Variants in COA5 observed in about 807,000 individuals in gnomAD.
COA5 encodes the protein protein C2orf64.
Under a neutral mutation model 11.8 loss-of-function variants are expected in COA5, and 11 were observed. The ratio of observed to expected loss-of-function variants is 0.93; its 90% confidence interval spans 0.59 to 1.54. COA5 has a LOEUF of 1.54. Ranked by LOEUF, COA5 falls within the 40% of genes most tolerant of loss-of-function variation. COA5 has a pLI of 0.00. For synonymous variants in COA5, 38 were observed against 37.5 expected, an observed-to-expected ratio of 1.01 and a Z score of -0.05; for missense variants, 87 against 89.2, an observed-to-expected ratio of 0.97 and a Z score of 0.10.
rs1419402138 is a variant in COA5, at chr2:98,608,338, G to T, written c.68C>A (p.Ala23Glu). The T allele has an allele frequency of 6.2e-7, 1 of 1,608,912 alleles. No individual in the cohort carries two copies. The highest frequency in any genetic ancestry group is 8.5e-7 in the Non-Finnish European group (1 of 1,178,498). The change falls in exon 1 of 3, where the codon GCG (alanine) becomes GAG (glutamate). Residue 23 changes from alanine (A) to glutamate (E), a missense_variant. Transcript: ENST00000328709. ...ACAGLKEDLG[A>E]CLLQSDCVVQ... ...CACACAGTCCGACTGCAGCAGACAC[G>T]CGCCCAGGTCCTCCTTCAGGCCCGC...
intron 1 of COA5, among the ~76,000 whole-genome samples, chr2:98,607,762 A>C (rs1316491411): frequency 6.6e-6 from 1 of 152,200 alleles, no homozygotes; most frequent in African/African-American, 2.4e-5. Flanking sequence ...GTGTAGGGGA[A>C]GCAAGATACG....
At chr2:98,607,879 C>A (rs1051311266) in intron 1 of COA5, among the ~76,000 whole-genome samples, 1 of 152,236 alleles carries the variant, frequency 6.6e-6, no homozygotes. Context: ...AAACTGAGCA[C>A]ACATTGTCAC....
At chr2:98,607,973 T>C (rs1023517097) in intron 1 of COA5, among the ~76,000 whole-genome samples, 2 of 152,228 alleles carry the variant, frequency 1.3e-5, no homozygotes, top group Admixed American at 6.5e-5. Context: ...CTACAGATTA[T>C]CATTTCTAGG....
At chr2:98,603,007 A>G (rs1700662795) in intron 2 of COA5, among the ~76,000 whole-genome samples, 1 of 152,230 alleles carries the variant, frequency 6.6e-6, no homozygotes, top group South Asian at 2.1e-4. Context: ...CACTTAAGAA[A>G]GTAAACAGAG....
intron 2 of COA5, among the ~76,000 whole-genome samples, chr2:98,601,006 G>A (rs1364245737): frequency 2.6e-5 from 4 of 152,142 alleles, no homozygotes; most frequent in Non-Finnish European, 4.4e-5. Context: ...AGCACTTTGG[G>A]ATGATGAGGT....
intron 1 of COA5, chr2:98,604,442 C>T (rs1575225000): frequency 2.2e-6 from 1 of 453,372 alleles, no homozygotes; most frequent in East Asian, 4.2e-5. Flanking sequence ...GATACTTTTC[C>T]TTAAACTGTT....
chr2:98,604,581 G>A, intron 1 of COA5: 1 of 223,134 alleles, frequency 4.5e-6, no homozygotes, highest in Non-Finnish European at 9.0e-6. Context: ...AAGGCAGGCT[G>A]GAATACTACT....
At position 98,604,170 on chromosome 2, in the gene COA5, A is replaced by G. The variant is rs1700680825; in HGVS notation, c.121T>C (p.Cys41Arg). Reference protein sequence around the residue: ...VVQEGKSPRQCLKEGYCNSLK... With the variant: ...VVQEGKSPRQRLKEGYCNSLK... ...GAGTTGCAGTATCCTTCCTTCAAACACTGCCGAGGTGATTTTCCTTCCTAT... is the reference window on the plus strand; with the variant it reads ...GAGTTGCAGTATCCTTCCTTCAAACGCTGCCGAGGTGATTTTCCTTCCTAT... The change falls in exon 2 of 3, where the codon TGT (cysteine) becomes CGT (arginine). Residue 41 changes from cysteine (C) to arginine (R), a missense_variant. By Grantham distance (180) the Cys-to-Arg change is radical. Transcript: ENST00000328709. The G allele has an allele frequency of 6.2e-7, 1 of 1,613,752 alleles. No homozygotes were observed. The highest frequency in any genetic ancestry group is 8.5e-7 in the Non-Finnish European group (1 of 1,179,718).
chr2:98,608,282 C>T (rs923012465), intron 1 of COA5, 25 bp downstream of exon 1: 4 of 1,553,640 alleles, frequency 2.6e-6, no homozygotes, highest in Admixed American at 3.7e-5. Context: ...GGGTCGTCAC[C>T]ACCGGGAGCG....
rs368973294 is a variant in COA5, at chr2:98,601,200, G to A, written c.184-407C>T. 3.9e-3 allele frequency among the ~76,000 whole-genome samples: 588 copies of A among 151,914 alleles called. 4 individuals are homozygous for A. The highest frequency in any genetic ancestry group is 0.013 in the African/African-American group (550 of 41,394). On this transcript the variant is annotated intron_variant, in intron 2 of 2. Coordinates refer to ENST00000328709, the MANE Select transcript of COA5 (RefSeq NM_001008215.3). The stretch of plus-strand genomic sequence containing the variant: ...GTGGAGGTTGCAGTGAGCCAAGATC[G>A]CACCACTGCACTCCAGCCTGGGCAA...
At chr2:98,603,588 T>G (rs1352501381) in intron 2 of COA5, among the ~76,000 whole-genome samples, 1 of 152,234 alleles carries the variant, frequency 6.6e-6, no homozygotes, top group East Asian at 1.9e-4. Flanking sequence ...GAAAAGGGTC[T>G]CAGTTTCCAT....
chr2:98,601,180 G>A (rs895394279), intron 2 of COA5, among the ~76,000 whole-genome samples: 3 of 152,054 alleles, frequency 2.0e-5, no homozygotes, highest in Non-Finnish European at 4.4e-5. Context: ...GGGAGGTGGA[G>A]GTTGCAGTGA....
At chr2:98,601,285 G>A (rs1700638938) in intron 2 of COA5, among the ~76,000 whole-genome samples, 2 of 152,006 alleles carry the variant, frequency 1.3e-5, no homozygotes, top group Non-Finnish European at 1.5e-5. Flanking sequence ...TAGAAGTTCC[G>A]CTTAAGGGCA....
At position 98,604,205 on chromosome 2, in the gene COA5, A is replaced by G. The variant is rs764954867; in HGVS notation, c.100-14T>C. 6.3e-7 allele frequency: 1 copy of G among 1,575,720 alleles called. No homozygotes were observed. The highest frequency in any genetic ancestry group is 1.3e-5 in the African/African-American group (1 of 74,234). On this transcript the variant is annotated splice_polypyrimidine_tract_variant and intron_variant, in intron 1 of 2. Transcript: ENST00000328709. ...TGATTTTCCTTCCTATGACAGACAC[A>G]TAAAACAATATAAACACCTTGGAAA...
At chr2:98,606,006 C>A (rs1286463307) in intron 1 of COA5, among the ~76,000 whole-genome samples, 1 of 152,142 alleles carries the variant, frequency 6.6e-6, no homozygotes, top group Non-Finnish European at 1.5e-5. Flanking sequence ...CCCTCTAACT[C>A]CTTGACAGTC....
Position 98,603,956 on chromosome 2 carries a change from A to T in COA5, c.183+152T>A. The T allele has an allele frequency of 4.8e-6, 3 of 627,806 alleles. No individual in the cohort carries two copies. In the South Asian group the frequency reaches 5.7e-5, roughly 12 times the overall value. The allele number at this position is 627,806 out of a possible 1,614,324, so 38.9% of individuals were successfully genotyped here. On this transcript the variant is annotated intron_variant, in intron 2 of 2. Transcript: ENST00000328709. ...CTGTGGGTTTTTATGAACGCTACCTAACGTTAACTCACTGGAGGAAGAAAT... is the reference window on the plus strand; with the variant it reads ...CTGTGGGTTTTTATGAACGCTACCTTACGTTAACTCACTGGAGGAAGAAAT...
Position 98,600,374 on chromosome 2 carries a change from G to A in COA5, c.*378C>T. On this transcript the variant is annotated 3_prime_UTR_variant, in exon 3 of 3. Coordinates refer to ENST00000328709, the MANE Select transcript of COA5 (RefSeq NM_001008215.3). Reference sequence around the variant, plus strand: ...AAACTTTCCCAACAGACACCTTCTGGATAGGCTGCATGTTATCGACTGTGT... The same window carrying A: ...AAACTTTCCCAACAGACACCTTCTGAATAGGCTGCATGTTATCGACTGTGT... 1 of 238,408 alleles carries A rather than the reference G, an allele frequency of 4.2e-6. No individual in the cohort carries two copies. Among genetic ancestry groups the A allele is most frequent in the South Asian group, 6.3e-5 (1 of 15,858 alleles). 14.8% of individuals were successfully genotyped at this position (238,408 alleles called of 1,614,324 possible). A position where few individuals can be genotyped will look rare whatever the true frequency, so the allele number is the denominator to read the frequency against.
In COA5 at chr2:98,601,428, A is replaced by G. The variant is rs529379439; in HGVS notation, c.184-635T>C. 2.2e-3 allele frequency among the ~76,000 whole-genome samples: 329 copies of G among 152,328 alleles called. 1 individual carries two copies. Among genetic ancestry groups the G allele is most frequent in the African/African-American group, 7.6e-3 (317 of 41,566 alleles). On this transcript the variant is annotated intron_variant, in intron 2 of 2. Coordinates refer to ENST00000328709, the MANE Select transcript of COA5 (RefSeq NM_001008215.3). Reference sequence around the variant, plus strand: ...TGAAATCTTTAAATTGCAACTGATGAGCCCTGAAAAATGTTAAGTAACACA... The same window carrying G: ...TGAAATCTTTAAATTGCAACTGATGGGCCCTGAAAAATGTTAAGTAACACA...
At chr2:98,602,867 G>C (rs557342388) in intron 2 of COA5, among the ~76,000 whole-genome samples, 114 of 152,316 alleles carry the variant, frequency 7.5e-4, no homozygotes, top group African/African-American at 2.7e-3. Flanking sequence ...GAGAATTTCA[G>C]AGGGTTTACT....
Sources: gnomAD v4.1 joint callset for allele counts (sites outside exome capture counted in the v4.1 genomes callset) on GRCh38, gnomAD v4.1.1 for gene constraint, MANE v1.5 for transcripts, NCBI Gene and HGNC (gene_info 2026-07-23, HGNC 2026-07-21) for gene names.